Variants in FAM222B observed in about 807,000 individuals in gnomAD.
FAM222B encodes protein FAM222B.
In FAM222B, 12 loss-of-function variants were observed where a neutral mutation model predicts 38.0. The ratio of observed to expected loss-of-function variants is 0.32; its 90% CI spans 0.20 to 0.51. The LOEUF (loss-of-function observed/expected upper bound fraction) is 0.51. FAM222B is among the 20% of genes least tolerant of loss of function. The probability of loss-of-function intolerance (pLI) is 0.97; values close to 1 mark genes in which losing one functional copy is unlikely to be tolerated. For missense variants in FAM222B, 716 were observed against 754.2 expected (o/e 0.95, Z 0.59); for synonymous variants, 329 against 317.2 (o/e 1.04, Z -0.40).
chr17:28,773,044 A>G (rs1447440279), intron 1 of FAM222B, among the ~76,000 whole-genome samples: 1 of 152,218 alleles, frequency 6.6e-6, no homozygotes, highest in Admixed American at 6.5e-5. Context: ...TGAACCAGTA[A>G]GAAACAGAGC....
intron 1 of FAM222B, among the ~76,000 whole-genome samples, chr17:28,768,250 A>G (rs984522745): frequency 6.6e-6 from 1 of 152,226 alleles, no homozygotes; most frequent in Non-Finnish European, 1.5e-5. Context: ...GTTAAAGACG[A>G]CAAAAATCTC....
chr17:28,833,612 CAAAA>C (rs370065990), intron 1 of FAM222B, among the ~76,000 whole-genome samples: 16 of 73,198 alleles, frequency 2.2e-4, no homozygotes, highest in African/African-American at 3.7e-4. Flanking sequence ...GACTTTGTCT[CAAAA>C]AAAAAAAAAA....
intron 1 of FAM222B, among the ~76,000 whole-genome samples, chr17:28,773,924 G>A (rs1368386732): frequency 1.3e-5 from 2 of 152,168 alleles, no homozygotes; most frequent in East Asian, 1.9e-4. Context: ...TGCTAGGGTA[G>A]AAAAGGTACG....
intron 1 of FAM222B, among the ~76,000 whole-genome samples, chr17:28,807,164 C>T (rs1324311157): frequency 6.6e-6 from 1 of 151,470 alleles, no homozygotes; most frequent in African/African-American, 2.4e-5. Flanking sequence ...TATAGGCACG[C>T]ACCACCACAC....
At chr17:28,796,342 A>C (rs1022296235) in intron 1 of FAM222B, among the ~76,000 whole-genome samples, 3 of 152,218 alleles carry the variant, frequency 2.0e-5, no homozygotes, top group Non-Finnish European at 4.4e-5. Context: ...AATTGCTCTC[A>C]TGGTTTCCCC....
chr17:28,806,113 T>C (rs754699973), intron 1 of FAM222B, among the ~76,000 whole-genome samples: 4 of 151,722 alleles, frequency 2.6e-5, no homozygotes, highest in Non-Finnish European at 4.4e-5. Context: ...GATCGCGCCA[T>C]TGCACTCCAA....
chr17:28,791,667 G>A (rs1037550782), intron 1 of FAM222B, among the ~76,000 whole-genome samples: 2 of 146,920 alleles, frequency 1.4e-5, no homozygotes, highest in Non-Finnish European at 3.0e-5. Context: ...AATCACTTGA[G>A]CCCAGGAATT....
At chr17:28,809,993 T>C (rs1404179387) in intron 1 of FAM222B, among the ~76,000 whole-genome samples, 2 of 151,712 alleles carry the variant, frequency 1.3e-5, no homozygotes, top group East Asian at 3.9e-4. Context: ...TGGTTTTTTT[T>C]TGTTTTTGTT....
intron 1 of FAM222B, among the ~76,000 whole-genome samples, chr17:28,767,919 A>C (rs1343835155): frequency 6.6e-6 from 1 of 152,104 alleles, no homozygotes; most frequent in Non-Finnish European, 1.5e-5. Context: ...CCACCCCCTC[A>C]AAAGAAATGC....
intron 1 of FAM222B, among the ~76,000 whole-genome samples, chr17:28,818,750 T>C (rs1436890272): frequency 6.6e-6 from 1 of 152,082 alleles, no homozygotes; most frequent in African/African-American, 2.4e-5. Context: ...AGTAGAGAGC[T>C]GGAAAGAAGG....
At chr17:28,809,497 T>C (rs1454314427) in intron 1 of FAM222B, among the ~76,000 whole-genome samples, 3 of 152,316 alleles carry the variant, frequency 2.0e-5, no homozygotes, top group South Asian at 2.1e-4. Flanking sequence ...TTTCTATAAT[T>C]GTTTCCTTGC....
chr17:28,836,000 A>AT (rs1244873165), intron 1 of FAM222B, among the ~76,000 whole-genome samples: 15 of 148,628 alleles, frequency 1.0e-4, no homozygotes. Context: ...TTTATTATAT[A>AT]TTTTTTTCAG....
At chr17:28,765,420 C>T (rs1234843152) in intron 2 of FAM222B, among the ~76,000 whole-genome samples, 1 of 152,134 alleles carries the variant, frequency 6.6e-6, no homozygotes, top group Non-Finnish European at 1.5e-5. Flanking sequence ...GACCACATGG[C>T]CCACAAAGCT....
intron 1 of FAM222B, among the ~76,000 whole-genome samples, chr17:28,816,571 A>G (rs1168178384): frequency 6.6e-6 from 1 of 152,084 alleles, no homozygotes; most frequent in Non-Finnish European, 1.5e-5. Context: ...AATAAATAAA[A>G]TGTAACTCTG....
intron 1 of FAM222B, among the ~76,000 whole-genome samples, chr17:28,778,239 C>T (rs2035983958): frequency 6.6e-6 from 1 of 151,750 alleles, no homozygotes; most frequent in South Asian, 2.1e-4. Flanking sequence ...TCCTAATGCT[C>T]TCCCTCCCCT....
chr17:28,778,398 C>T (rs754557586), intron 1 of FAM222B, among the ~76,000 whole-genome samples: 2 of 151,796 alleles, frequency 1.3e-5, no homozygotes, highest in Non-Finnish European at 2.9e-5. Context: ...TTTCCTGCTT[C>T]GTTCATGTCC....
intron 1 of FAM222B, among the ~76,000 whole-genome samples, chr17:28,837,672 G>A (rs779088366): frequency 4.5e-4 from 67 of 148,930 alleles, no homozygotes; most frequent in African/African-American, 8.4e-4. Context: ...TTTTTGAGAC[G>A]GAGTCTCGCT....
intron 1 of FAM222B, among the ~76,000 whole-genome samples, chr17:28,809,096 G>C (rs1361105397): frequency 6.6e-6 from 1 of 152,198 alleles, no homozygotes; most frequent in East Asian, 1.9e-4. Context: ...GCTCATGCCT[G>C]TAATCCCAGC....
intron 1 of FAM222B, among the ~76,000 whole-genome samples, chr17:28,854,698 A>G (rs1198803397): frequency 6.6e-6 from 1 of 152,106 alleles, no homozygotes; most frequent in Non-Finnish European, 1.5e-5. Flanking sequence ...TCCTCCCTCG[A>G]TGGGAGGACG....
Sources: allele counts gnomAD v4.1 joint callset (sites outside exome capture counted in the v4.1 genomes callset), GRCh38; gene constraint gnomAD v4.1.1; transcripts MANE v1.5; gene names NCBI Gene and HGNC (gene_info 2026-07-23, HGNC 2026-07-21).